CD6: variants seen among roughly 807,000 people sequenced by gnomAD.
CD6 encodes CD6 molecule, also known as T-cell differentiation antigen CD6.
CD6 carries 53 observed loss-of-function variants against 75.3 expected under a neutral mutation model. The observed-to-expected ratio is 0.70, with a 90% CI of 0.56 to 0.88. The LOEUF is 0.88. Ranked by LOEUF, CD6 falls within the 40% of genes least tolerant of loss-of-function variation. The pLI is 0.00. For synonymous variants in CD6, 359 were observed against 381.5 expected (o/e 0.94, Z 0.69); for missense variants, 770 against 897.1 (o/e 0.86, Z 1.81).
chr11:60,984,437 C>T (rs775810616), intron 1 of CD6, among the ~76,000 whole-genome samples: 5 of 152,218 alleles, frequency 3.3e-5, no homozygotes, highest in South Asian at 2.1e-4. Context: ...TGCCCCGCCT[C>T]GGATATTGGA....
intron 1 of CD6, among the ~76,000 whole-genome samples, chr11:60,983,444 T>C (rs1199288006): frequency 6.6e-6 from 1 of 152,114 alleles, no homozygotes; most frequent in Non-Finnish European, 1.5e-5. Context: ...TACTGAGAAG[T>C]TGCAAGAACA....
chr11:60,982,644 G>A (rs1273202483), intron 1 of CD6: 1 of 456,090 alleles, frequency 2.2e-6, no homozygotes, highest in Non-Finnish European at 4.4e-6. Context: ...TTGCCAAATG[G>A]ATTCAGCTCC....
intron 1 of CD6, chr11:60,982,746 C>T: frequency 2.2e-6 from 1 of 456,042 alleles, no homozygotes. Context: ...CAGCCATCTC[C>T]TGTTTGTCAG....
intron 1 of CD6, among the ~76,000 whole-genome samples, chr11:60,980,710 G>A (rs948198576): frequency 6.6e-6 from 1 of 151,824 alleles, no homozygotes; most frequent in Non-Finnish European, 1.5e-5. Context: ...GGGGATGGGG[G>A]GCACCTGTAA....
intron 4 of CD6, among the ~76,000 whole-genome samples, 159 bp downstream of exon 4, chr11:61,009,004 G>A (rs965009636): frequency 6.6e-6 from 1 of 152,218 alleles, no homozygotes; most frequent in Non-Finnish European, 1.5e-5. Context: ...ATTCAGGAGA[G>A]AAAGTGGTAA....
intron 1 of CD6, among the ~76,000 whole-genome samples, chr11:60,976,329 T>A (rs1857363109): frequency 6.6e-6 from 1 of 152,254 alleles, no homozygotes; most frequent in Admixed American, 6.5e-5. Flanking sequence ...AATATTCTAA[T>A]GTTTACAGAT....
chr11:61,015,932 T>G (rs1859384021), intron 9 of CD6, 97 bp downstream of exon 9: 1 of 1,421,024 alleles, frequency 7.0e-7, no homozygotes, highest in African/African-American at 1.4e-5. Context: ...TAGTAACCCC[T>G]GCATGATGCA....
At chr11:60,986,862 G>A (rs762666642) in intron 1 of CD6, among the ~76,000 whole-genome samples, 9 of 152,226 alleles carry the variant, frequency 5.9e-5, no homozygotes, top group Admixed American at 3.3e-4. Context: ...GCGCCGTGGC[G>A]CACAGCTGTA....
At chr11:61,009,042 A>G (rs1401228355) in intron 4 of CD6, among the ~76,000 whole-genome samples, 197 bp downstream of exon 4, 1 of 152,202 alleles carries the variant, frequency 6.6e-6, no homozygotes. Flanking sequence ...AGTCAGGTGG[A>G]GTCTAGAGGC....
intron 1 of CD6, among the ~76,000 whole-genome samples, chr11:60,976,030 A>T (rs954217731): frequency 6.6e-6 from 1 of 152,260 alleles, no homozygotes; most frequent in African/African-American, 2.4e-5. Flanking sequence ...TATTTTTAAA[A>T]TTTTTATAGA....
At chr11:60,980,706 G>C (rs1371459321) in intron 1 of CD6, among the ~76,000 whole-genome samples, 1 of 151,982 alleles carries the variant, frequency 6.6e-6, no homozygotes, top group Non-Finnish European at 1.5e-5. Flanking sequence ...TTCGGGGGAT[G>C]GGGGGCACCT....
intron 1 of CD6, among the ~76,000 whole-genome samples, chr11:60,995,827 G>A (rs564540939): frequency 6.6e-6 from 1 of 152,290 alleles, no homozygotes; most frequent in East Asian, 1.9e-4. Flanking sequence ...TGGAGTCTGG[G>A]ATCTTTTGGG....
intron 1 of CD6, among the ~76,000 whole-genome samples, chr11:60,979,516 G>T (rs1414605892): frequency 2.0e-5 from 3 of 151,710 alleles, no homozygotes; most frequent in Admixed American, 2.0e-4. Context: ...ACCCAAGCTG[G>T]AGTGCAATGC....
At chr11:60,990,051 T>C (rs1179261639) in intron 1 of CD6, among the ~76,000 whole-genome samples, 9 of 152,106 alleles carry the variant, frequency 5.9e-5, no homozygotes, top group Admixed American at 5.9e-4. Flanking sequence ...AAAATTTTAT[T>C]TAGTAAAAAT....
intron 1 of CD6, among the ~76,000 whole-genome samples, chr11:60,989,806 A>G (rs1800328968): frequency 6.6e-6 from 1 of 152,134 alleles, no homozygotes; most frequent in Non-Finnish European, 1.5e-5. Flanking sequence ...TTGTCTCTTG[A>G]ATCCTACATT....
Position 61,009,929 on chromosome 11 carries a change from A to G in CD6, c.1084+55A>G, listed in dbSNP as rs1859067636. 4.0e-6 allele frequency: 6 copies of G among 1,500,850 alleles called. No homozygotes were observed. The Admixed American group carries it at 1.4e-4, about 34-fold the overall frequency. The allele number at this position is 1,500,850 out of a possible 1,614,324, so 93.0% of individuals were successfully genotyped here. A position where few individuals can be genotyped will look rare whatever the true frequency, so the allele number is the denominator to read the frequency against. ...TTGAGCCAGAATTCTACCTGAATCCATGTCCTAAAAACTTACAGTCCAAGG... is the reference window on the plus strand; with the variant it reads ...TTGAGCCAGAATTCTACCTGAATCCGTGTCCTAAAAACTTACAGTCCAAGG... On this transcript the variant is annotated intron_variant, in intron 5 of 12. Coordinates refer to ENST00000313421, the MANE Select transcript of CD6 (RefSeq NM_006725.5).
chr11:61,011,258 T>C (rs375096109), intron 6 of CD6, 123 bp downstream of exon 6: 3 of 762,528 alleles, frequency 3.9e-6, no homozygotes, highest in East Asian at 2.8e-5. Context: ...ATCCTCCACC[T>C]CCAGCCAATG....
At chr11:61,018,137 G>A (rs943653187) in intron 11 of CD6, 124 bp downstream of exon 11, 48 of 1,340,214 alleles carry the variant, frequency 3.6e-5, no homozygotes, top group Non-Finnish European at 4.4e-5. Flanking sequence ...TTCGCTGTGT[G>A]CCCTTGGACA....
intron 8 of CD6, chr11:61,015,425 GC>G (rs1859353432): frequency 3.5e-6 from 1 of 288,870 alleles, no homozygotes; most frequent in African/African-American, 2.1e-5. Flanking sequence ...TCAAAAATTA[GC>G]TGGGCGTGAT....
Sources: allele counts gnomAD v4.1 joint callset (sites outside exome capture counted in the v4.1 genomes callset), GRCh38; gene constraint gnomAD v4.1.1; transcripts MANE v1.5; gene names NCBI Gene and HGNC (gene_info 2026-07-23, HGNC 2026-07-21).